The following N4BP2 variants were observed in gnomAD, a reference collection of about 807,000 sequenced individuals.
The protein encoded by N4BP2 is NEDD4-binding protein 2.
A neutral mutation model predicts 152.8 loss-of-function variants in N4BP2; 91 were observed. That is an observed-to-expected ratio of 0.60 (90% CI 0.50 to 0.71). N4BP2 has a LOEUF of 0.71. Ranked by LOEUF, N4BP2 falls within the 30% of genes least tolerant of loss-of-function variation. N4BP2 has a pLI of 0.00. For missense variants in N4BP2, 1,923 were observed against 2,059.1 expected, an observed-to-expected ratio of 0.93 and a Z score of 1.28; for synonymous variants, 646 against 705.3, an observed-to-expected ratio of 0.92 and a Z score of 1.33.
At chr4:40,165,036 CA>C in the N4BP2 span, among the ~76,000 whole-genome samples, 4 of 151,546 alleles carry the variant, frequency 2.6e-5, no homozygotes, top group Admixed American at 2.6e-4. Context: ...TATTTTTTTT[CA>C]AAAATAATTT....
intron 14 of N4BP2, 112 bp from the exon 15 acceptor site, chr4:40,142,561 A>G: frequency 1.5e-6 from 1 of 663,914 alleles, no homozygotes; most frequent in African/African-American, 1.8e-5. Flanking sequence ...TCCTGAGGAG[A>G]GAGATGAAAA....
At chr4:40,059,230 A>G (rs992644031) in intron 1 of N4BP2, among the ~76,000 whole-genome samples, 2 of 151,070 alleles carry the variant, frequency 1.3e-5, no homozygotes, top group Non-Finnish European at 2.9e-5. Context: ...TTATTAGTTA[A>G]TGAATTTCAG....
intron 1 of N4BP2, among the ~76,000 whole-genome samples, chr4:40,068,360 C>A (rs1027194427): frequency 6.6e-6 from 1 of 152,104 alleles, no homozygotes; most frequent in Admixed American, 6.6e-5. Context: ...GTTGCCTATG[C>A]CTTTGGTGTC....
rs867623955 is a variant in N4BP2, at chr4:40,157,681, C to T, written c.*3444C>T. On this transcript the variant is annotated 3_prime_UTR_variant, in exon 18 of 18. Coordinates refer to ENST00000261435, the MANE Select transcript of N4BP2 (RefSeq NM_018177.6). ...AATGAGGTGAAGTTTGGTAATTTTTCGGTGTAGTAGTTAAATATTGCTCAA... is the reference window on the plus strand; with the variant it reads ...AATGAGGTGAAGTTTGGTAATTTTTTGGTGTAGTAGTTAAATATTGCTCAA... 5.3e-5 allele frequency: 8 copies of T among 151,954 alleles called. No individual in the cohort carries two copies. The highest frequency in any genetic ancestry group is 3.9e-4 in the Admixed American group (6 of 15,278). 9.4% of individuals were successfully genotyped at this position (151,954 alleles called of 1,614,324 possible). A position where few individuals can be genotyped will look rare whatever the true frequency, so the allele number is the denominator to read the frequency against.
intron 7 of N4BP2, 89 bp downstream of exon 7, chr4:40,113,597 G>A: frequency 1.2e-6 from 1 of 853,396 alleles, no homozygotes; most frequent in Non-Finnish European, 2.0e-6. Flanking sequence ...AATGATGAAT[G>A]AATTGATTAG....
the N4BP2 span, among the ~76,000 whole-genome samples, chr4:40,180,318 T>C: frequency 9.9e-5 from 15 of 152,162 alleles, no homozygotes; most frequent in Non-Finnish European, 2.1e-4. Flanking sequence ...TGAAAAGATG[T>C]TGAATCTCAA....
chr4:40,182,834 G>A, the N4BP2 span, among the ~76,000 whole-genome samples: 21 of 152,026 alleles, frequency 1.4e-4, no homozygotes, highest in Non-Finnish European at 1.5e-4. Flanking sequence ...CTGTCACCAC[G>A]CCCAGCTAAT....
chr4:40,185,023 T>G, the N4BP2 span, among the ~76,000 whole-genome samples: 1 of 152,154 alleles, frequency 6.6e-6, no homozygotes, highest in Non-Finnish European at 1.5e-5. Context: ...ACAGATAGTT[T>G]AATTTTATAG....
chr4:40,118,251 C>A (rs572192776), intron 8 of N4BP2, among the ~76,000 whole-genome samples: 3 of 152,158 alleles, frequency 2.0e-5, no homozygotes, highest in African/African-American at 7.2e-5. Context: ...AAACCCGTCT[C>A]CACTAAAAGT....
chr4:40,102,318 A>C lies in N4BP2; in HGVS notation c.473A>C (p.Asp158Ala). ...TTTGAGAAATTGAACTCTTCTCCTG[A>C]TGACCAAGTATACTCATTTTTGCCT... ...NAFEKLNSSP[D>A]DQVYSFLPSQ... is the part of the protein sequence containing the mutation. Residue 158 changes from aspartate (D) to alanine (A), a missense_variant, in exon 4 of 18, where the codon GAT (aspartate) becomes GCT (alanine). Transcript: ENST00000261435. The C allele has an allele frequency of 6.2e-7, 1 of 1,613,408 alleles. No homozygotes were observed. Among genetic ancestry groups the C allele is most frequent in the Non-Finnish European group, 8.5e-7 (1 of 1,179,762 alleles).
At position 40,112,123 on chromosome 4, in the gene N4BP2, T is replaced by C; in HGVS notation, c.1538T>C (p.Ile513Thr). 1 of 1,572,134 alleles carries C rather than the reference T, an allele frequency of 6.4e-7. No individual in the cohort carries two copies. Reference sequence around the variant, plus strand: ...GAGAAGAAGATATCTCCTATAATTATAGATAATACAAACCTACAGGCATGG... The same window carrying C: ...GAGAAGAAGATATCTCCTATAATTACAGATAATACAAACCTACAGGCATGG... ...AFEKKISPII[I>T]DNTNLQAWEM... Residue 513 changes from isoleucine to threonine, a missense_variant, in exon 6 of 18, where the codon ATA becomes ACA. Ile to Thr is a moderately conservative substitution (Grantham distance 89, BLOSUM62 -1). Transcript: ENST00000261435.
rs370100487 is a variant in N4BP2 at position 40,082,275 on chromosome 4, CA to C, written c.-115+8745del. ...TGGGCGACAGAGCGAGACCCTGTCTCAAAAAAAAAAAAAAAAAAAAATTATT... is the reference window on the plus strand; with the variant it reads ...TGGGCGACAGAGCGAGACCCTGTCTCAAAAAAAAAAAAAAAAAAAATTATT... On this transcript the variant is annotated intron_variant, in intron 2 of 17. Coordinates refer to ENST00000261435, the MANE Select transcript of N4BP2 (RefSeq NM_018177.6). 3.7e-3 allele frequency among the ~76,000 whole-genome samples: 349 copies of C among 95,010 alleles called. 1 individual carries two copies. The highest frequency in any genetic ancestry group is 0.012 in the African/African-American group (286 of 23,390). 62.3% of individuals were successfully genotyped at this position (95,010 alleles called of 152,430 possible). A position where few individuals can be genotyped will look rare whatever the true frequency, so the allele number is the denominator to read the frequency against.
chr4:40,081,916 C>G (rs1368819466), intron 2 of N4BP2, among the ~76,000 whole-genome samples: 1 of 151,862 alleles, frequency 6.6e-6, no homozygotes, highest in Non-Finnish European at 1.5e-5. Context: ...TGTTTGAGAC[C>G]AGCCTGACCA....
At chr4:40,140,127 A>G (rs183621513) in intron 14 of N4BP2, among the ~76,000 whole-genome samples, 1 of 152,210 alleles carries the variant, frequency 6.6e-6, no homozygotes, top group Admixed American at 6.5e-5. Flanking sequence ...ACAGAATCTT[A>G]TCATCCTGCA....
chr4:40,145,002 G>A (rs1255180441), intron 16 of N4BP2, among the ~76,000 whole-genome samples: 2 of 152,148 alleles, frequency 1.3e-5, no homozygotes, highest in African/African-American at 4.8e-5. Flanking sequence ...TTCTTCATTT[G>A]TATTCCTGTG....
At chr4:40,071,632 T>C (rs189211362) in intron 1 of N4BP2, among the ~76,000 whole-genome samples, 228 of 152,318 alleles carry the variant, frequency 1.5e-3, no homozygotes, top group African/African-American at 5.2e-3. Context: ...AATGGTGCGA[T>C]CTCGGCTCAC....
intron 1 of N4BP2, among the ~76,000 whole-genome samples, chr4:40,061,135 T>C (rs1262717225): frequency 2.6e-5 from 4 of 151,974 alleles, no homozygotes; most frequent in African/African-American, 9.7e-5. Flanking sequence ...CTTAAAACTT[T>C]ATGCAAGCCC....
chr4:40,172,366 TC>T, the N4BP2 span, among the ~76,000 whole-genome samples: 1 of 152,164 alleles, frequency 6.6e-6, no homozygotes, highest in Admixed American at 6.5e-5. Flanking sequence ...GGCAACATCC[TC>T]ACAGACACCC....
At chr4:40,062,603 G>A (rs960528016) in intron 1 of N4BP2, among the ~76,000 whole-genome samples, 20 of 148,312 alleles carry the variant, frequency 1.3e-4, no homozygotes, top group African/African-American at 5.0e-4. Context: ...TCTTCACTTG[G>A]CTTTCAGGAT....
Sources: gnomAD v4.1 joint callset for allele counts (sites outside exome capture counted in the v4.1 genomes callset) on GRCh38, gnomAD v4.1.1 for gene constraint, MANE v1.5 for transcripts, NCBI Gene and HGNC (gene_info 2026-07-23, HGNC 2026-07-21) for gene names.